PCNT: variants seen among roughly 807,000 people sequenced by gnomAD.
PCNT encodes the protein pericentrin, also known as kendrin.
A neutral mutation model predicts 380.4 loss-of-function variants in PCNT; 319 were observed. That is an observed-to-expected ratio of 0.84 (90% confidence interval 0.77 to 0.92). The LOEUF (loss-of-function observed/expected upper bound fraction) is 0.92, where lower values mean the gene tolerates loss of function less well. Ranked by LOEUF, PCNT falls within the 40% of genes least tolerant of loss-of-function variation. PCNT has a pLI of 0.00. For missense variants in PCNT, 4,400 were observed against 4,255.3 expected (o/e 1.03, Z -0.95); for synonymous variants, 1,845 against 1,735.2 (o/e 1.06, Z -1.57).
chr21:46,327,217 C>T (rs899550978), intron 2 of PCNT, among the ~76,000 whole-genome samples: 4 of 151,824 alleles, frequency 2.6e-5, no homozygotes, highest in South Asian at 2.1e-4. Flanking sequence ...CCCGCCACCA[C>T]GCCCGGCTAG....
chr21:46,424,510 C>T (rs1399079145), intron 32 of PCNT, among the ~76,000 whole-genome samples: 1 of 152,254 alleles, frequency 6.6e-6, no homozygotes, highest in Admixed American at 6.5e-5. Context: ...GGCCCCGTGT[C>T]ACCTGGCGGG....
At position 46,398,026 on chromosome 21, in the gene PCNT, G is replaced by C; in HGVS notation, c.4459G>C (p.Glu1487Gln). 1 of 1,588,026 alleles carries C rather than the reference G, an allele frequency of 6.3e-7. No individual in the cohort carries two copies. Among genetic ancestry groups the C allele is most frequent in the African/African-American group, 1.3e-5 (1 of 74,522 alleles). Reference sequence around the variant, plus strand: ...CCTCTCCTCCCAGGAGCAGGCAGCCGAGCGGGAGCACGAGCGCGAGGAGTT... The same window carrying C: ...CCTCTCCTCCCAGGAGCAGGCAGCCCAGCGGGAGCACGAGCGCGAGGAGTT... The part of the protein sequence containing the change: ...QRQFMDEQAA[E>Q]REHEREEFQQ... The change falls in exon 23 of 47, where the codon GAG becomes CAG. Residue 1487 changes from glutamate (E) to glutamine (Q), a missense_variant. Physicochemically the swap from Glu to Gln is conservative, Grantham distance 29. Coordinates refer to ENST00000359568, the MANE Select transcript of PCNT (RefSeq NM_006031.6).
Position 46,324,198 on chromosome 21 carries a change from C to G in PCNT, c.-31C>G. ...GGCTGCTCTGTGTCAGCCCCGTCAC[C>G]GCCGGGCGGCCCGCGCGGAGTCTGA... is the stretch of plus-strand genomic sequence containing the variant. On this transcript the variant is annotated 5_prime_UTR_variant, in exon 1 of 47. Coordinates refer to ENST00000359568, the MANE Select transcript of PCNT (RefSeq NM_006031.6). 1 of 1,599,678 alleles carries G rather than the reference C, an allele frequency of 6.3e-7. No homozygotes were observed. Among genetic ancestry groups the G allele is most frequent in the East Asian group, 2.2e-5 (1 of 44,478 alleles).
intron 40 of PCNT, 76 bp downstream of exon 40, chr21:46,437,157 T>C: frequency 1.1e-6 from 1 of 900,452 alleles, no homozygotes; most frequent in South Asian, 1.3e-5. Flanking sequence ...TTGTGGTTCT[T>C]TTTCACGCTT....
At chr21:46,412,677 G>A (rs1271501664) in intron 28 of PCNT, among the ~76,000 whole-genome samples, 160 bp from the exon 29 acceptor site, 1 of 152,202 alleles carries the variant, frequency 6.6e-6, no homozygotes. Flanking sequence ...GTTCCCATGT[G>A]GCCTGCTGTG....
At position 46,441,032 on chromosome 21, in the gene PCNT, C is replaced by T. The variant is rs762038876; in HGVS notation, c.9571C>T (p.Arg3191Cys). 8.1e-6 allele frequency: 13 copies of T among 1,614,146 alleles called. No individual in the cohort carries two copies. In the Middle Eastern group the frequency reaches 5.0e-4, roughly 61 times the overall value. ...CAAAGCAGAACGGAAAATCACATCT[C>T]GTCCTTTCACCAGGTTCCGCACGGC... ...PSKAERKITS[R>C]PFTRFRTAVR... The change falls in exon 43 of 47, where the codon CGT becomes TGT. Residue 3191 changes from arginine to cysteine, a missense_variant. By Grantham distance (180) the Arg-to-Cys change is radical (BLOSUM62 -3). Coordinates refer to ENST00000359568, the MANE Select transcript of PCNT (RefSeq NM_006031.6).
chr21:46,387,840 G>A (rs535589786), intron 17 of PCNT, among the ~76,000 whole-genome samples: 2 of 152,200 alleles, frequency 1.3e-5, no homozygotes, highest in Non-Finnish European at 2.9e-5. Flanking sequence ...CCTCAGCGGC[G>A]TCACAGCTCC....
chr21:46,347,813 C>G (rs568429355), intron 6 of PCNT, among the ~76,000 whole-genome samples: 7 of 152,224 alleles, frequency 4.6e-5, no homozygotes, highest in Non-Finnish European at 7.3e-5. Context: ...GACACAGCCT[C>G]TGCCCTCGTG....
intron 3 of PCNT, among the ~76,000 whole-genome samples, chr21:46,343,048 CAGAT>C (rs2146494191): frequency 6.6e-6 from 1 of 152,130 alleles, no homozygotes; most frequent in East Asian, 1.9e-4. Context: ...ATTCATCGAT[CAGAT>C]GTAGGAGCTT....
chr21:46,400,609 C>CT (rs2086390551), intron 25 of PCNT, among the ~76,000 whole-genome samples: 1 of 136,980 alleles, frequency 7.3e-6, no homozygotes, highest in African/African-American at 2.6e-5. Context: ...ACCTCCTCCT[C>CT]CCGGGTTCAA....
rs1365561641 is a variant in PCNT, at chr21:46,422,038, C to T, written c.7093C>T (p.Pro2365Ser). 14 of 1,613,882 alleles carry T rather than the reference C, an allele frequency of 8.7e-6. No homozygotes were observed. Among genetic ancestry groups the T allele is most frequent in the East Asian group, 2.2e-5 (1 of 44,876 alleles). ...AGGCCCTGAGGCTCAAACTGCTGGTCCTGTGACCCCTGCTTCCATCTCTGG... is the reference window on the plus strand; with the variant it reads ...AGGCCCTGAGGCTCAAACTGCTGGTTCTGTGACCCCTGCTTCCATCTCTGG... ...SGGPEAQTAG[P>S]VTPASISGRF... Residue 2365 changes from proline to serine, a missense_variant, in exon 32 of 47, where the codon CCT (proline) becomes TCT (serine). Transcript: ENST00000359568.
At chr21:46,438,463 C>T (rs945494328) in intron 41 of PCNT, 126 bp downstream of exon 41, 2 of 801,766 alleles carry the variant, frequency 2.5e-6, no homozygotes, top group South Asian at 1.5e-5. Context: ...TTCTCCCTAA[C>T]CGCCAGGCTC....
intron 6 of PCNT, 56 bp downstream of exon 6, chr21:46,347,568 C>A: frequency 6.5e-7 from 1 of 1,542,110 alleles, no homozygotes; most frequent in Non-Finnish European, 9.0e-7. Flanking sequence ...TTTCCTTTCT[C>A]GCCAGGTCCC....
At chr21:46,362,873 A>AG (rs1363549019) in intron 13 of PCNT, among the ~76,000 whole-genome samples, 1 of 152,130 alleles carries the variant, frequency 6.6e-6, no homozygotes, top group East Asian at 1.9e-4. Flanking sequence ...TCTCAAAAAA[A>AG]AAAAAAAGAT....
At chr21:46,426,237 TTAGC>T (rs1164559805) in intron 33 of PCNT, among the ~76,000 whole-genome samples, 2 of 152,056 alleles carry the variant, frequency 1.3e-5, no homozygotes, top group Non-Finnish European at 2.9e-5. Flanking sequence ...TTTCACCATC[TTAGC>T]TAGGCTGGTC....
chr21:46,371,361 C>T (rs995175507), intron 15 of PCNT, among the ~76,000 whole-genome samples: 1 of 151,998 alleles, frequency 6.6e-6, no homozygotes, highest in African/African-American at 2.4e-5. Flanking sequence ...AGGCACGGGC[C>T]ACCACGCCTC....
rs2087026075 is a variant in PCNT at position 46,416,354 on chromosome 21, G to A, written c.6436G>A (p.Ala2146Thr). Reference protein sequence around the residue: ...GGVTDVIKNQAIDACDANTTP... With the variant: ...GGVTDVIKNQTIDACDANTTP... ...TGTAACTGATGTTATCAAAAATCAG[G>A]CCATAGACGCGTGTGATGCCAATAC... The change falls in exon 30 of 47, where the codon GCC (alanine) becomes ACC (threonine). Residue 2146 changes from alanine (A) to threonine (T), a missense_variant. By Grantham distance (58) the Ala-to-Thr change is moderately conservative (BLOSUM62 0). Coordinates refer to ENST00000359568, the MANE Select transcript of PCNT (RefSeq NM_006031.6). 6.2e-7 allele frequency: 1 copy of A among 1,613,970 alleles called. No homozygotes were observed. Among genetic ancestry groups the A allele is most frequent in the African/African-American group, 1.3e-5 (1 of 74,890 alleles).
chr21:46,438,143 ATTTAT>A lies in PCNT; in HGVS notation c.9100-17_9100-13del. ...GCCCTTTAACAACAAATTCTTACAA[ATTTAT>A]TTTCTTTTCTCCAAGAAAAAAATGG... On this transcript the variant is annotated splice_polypyrimidine_tract_variant and intron_variant, in intron 40 of 46. Transcript: ENST00000359568. 1 of 1,604,362 alleles carries A rather than the reference ATTTAT, an allele frequency of 6.2e-7. No individual in the cohort carries two copies. Among genetic ancestry groups the A allele is most frequent in the Non-Finnish European group, 8.5e-7 (1 of 1,172,090 alleles).
intron 16 of PCNT, 54 bp downstream of exon 16, chr21:46,381,894 T>C: frequency 6.3e-7 from 1 of 1,591,138 alleles, no homozygotes. Flanking sequence ...ATAAAAATCA[T>C]TTTCACTTTA....
Sources: gnomAD v4.1 joint callset for allele counts (sites outside exome capture counted in the v4.1 genomes callset) on GRCh38, gnomAD v4.1.1 for gene constraint, MANE v1.5 for transcripts, NCBI Gene and HGNC (gene_info 2026-07-23, HGNC 2026-07-21) for gene names.